Variants in KCNK2 observed in about 807,000 individuals in gnomAD.
The protein encoded by KCNK2 is potassium channel subfamily K member 2.
KCNK2 carries 21 observed loss-of-function variants against 40.5 expected under a neutral mutation model. That is an observed-to-expected ratio of 0.52 (90% CI 0.37 to 0.75). The LOEUF (loss-of-function observed/expected upper bound fraction) is 0.75. KCNK2 is among the 30% of genes least tolerant of loss of function. The probability of loss-of-function intolerance (pLI) is 0.00; values close to 1 mark genes in which losing one functional copy is unlikely to be tolerated. For synonymous variants in KCNK2, 191 were observed against 202.2 expected (o/e 0.94, Z 0.47); for missense variants, 399 against 531.6 (o/e 0.75, Z 2.45).
At chr1:215,073,509 CT>C (rs1658828302) in intron 1 of KCNK2, among the ~76,000 whole-genome samples, 2 of 152,008 alleles carry the variant, frequency 1.3e-5, no homozygotes, top group Non-Finnish European at 2.9e-5. Context: ...ATAAATAGAA[CT>C]TATTTTTCTG....
Position 215,015,513 on chromosome 1 carries a change from T to C in KCNK2, c.34+9558T>C, listed in dbSNP as rs1656556279. Among the ~76,000 whole-genome samples the C allele has an allele frequency of 5.3e-5, 8 of 152,256 alleles. No individual in the cohort carries two copies. In the South Asian group the frequency reaches 1.7e-3, roughly 32 times the overall value. On this transcript the variant is annotated intron_variant, in intron 1 of 6. Coordinates refer to the KCNK2 transcript ENST00000391895. ...TCTTTGGCGGGTAACTCTTTATCCA[T>C]TCATGACCTGAGATGGATAATTAAT...
chr1:215,133,082 A>G (rs1050137462), intron 3 of KCNK2, among the ~76,000 whole-genome samples: 4 of 152,194 alleles, frequency 2.6e-5, no homozygotes, highest in African/African-American at 7.2e-5. Context: ...ATAACAATAT[A>G]TTATAGATCT....
intron 6 of KCNK2, among the ~76,000 whole-genome samples, chr1:215,233,459 C>CACGT (rs887214054): frequency 1.3e-5 from 2 of 151,582 alleles, no homozygotes; most frequent in Non-Finnish European, 2.9e-5. Flanking sequence ...AGTACACACA[C>CACGT]ACACACACAC....
chr1:215,024,918 A>G (rs1450652441), intron 1 of KCNK2, among the ~76,000 whole-genome samples: 2 of 151,162 alleles, frequency 1.3e-5, no homozygotes, highest in Non-Finnish European at 2.9e-5. Flanking sequence ...TGTCTATAAA[A>G]CATATGTTCA....
chr1:215,234,759 A>C, intron 6 of KCNK2, 69 bp from the exon 7 acceptor site: 1 of 1,378,422 alleles, frequency 7.3e-7, no homozygotes, highest in Non-Finnish European at 1.0e-6. Context: ...AAATGAACTG[A>C]AGATAAAGCA....
At chr1:215,117,110 G>A (rs1044366339) in intron 2 of KCNK2, among the ~76,000 whole-genome samples, 3 of 151,862 alleles carry the variant, frequency 2.0e-5, no homozygotes, top group Non-Finnish European at 4.4e-5. Flanking sequence ...TTAGACAGAT[G>A]CCTCTATTTT....
Position 215,236,053 on chromosome 1 carries a change from T to TATCATCTATCTATCTATCTATCTATC in KCNK2, c.*911_*912insATCTATCTATCTATCTATCTATCATC, listed in dbSNP as rs71167820. On this transcript the variant is annotated 3_prime_UTR_variant, in exon 7 of 7. Coordinates refer to ENST00000444842, the MANE Select transcript of KCNK2 (RefSeq NM_001017425.3). ...TAAAGGCAGAAGAAGAAAATCTATC[T>TATCATCTATCTATCTATCTATCTATC]ATCTATCTATCTATCTATCTATCTA... is the stretch of plus-strand genomic sequence containing the variant. 2 of 132,470 alleles carry TATCATCTATCTATCTATCTATCTATC rather than the reference T, an allele frequency of 1.5e-5. No homozygotes were observed. Among genetic ancestry groups the TATCATCTATCTATCTATCTATCTATC allele is most frequent in the African/African-American group, 5.6e-5 (2 of 35,498 alleles). The allele number at this position is 132,470 out of a possible 1,614,324, so 8.2% of individuals were successfully genotyped here.
chr1:215,036,836 A>G (rs1299601065), intron 1 of KCNK2, among the ~76,000 whole-genome samples: 1 of 151,882 alleles, frequency 6.6e-6, no homozygotes, highest in South Asian at 2.1e-4. Context: ...TTGTACTAGT[A>G]TATAGAAATT....
At chr1:215,096,707 C>T (rs989627355) in intron 2 of KCNK2, among the ~76,000 whole-genome samples, 23 of 151,846 alleles carry the variant, frequency 1.5e-4, no homozygotes, top group African/African-American at 4.8e-4. Flanking sequence ...TTTTGATAGG[C>T]AACACAGACA....
intron 5 of KCNK2, among the ~76,000 whole-genome samples, chr1:215,178,591 C>CT (rs1664091903): frequency 6.6e-6 from 1 of 152,092 alleles, no homozygotes; most frequent in Non-Finnish European, 1.5e-5. Context: ...TTATTAAAAG[C>CT]TTTTTCCACA....
At chr1:215,008,684 T>C (rs1656274224) in intron 1 of KCNK2, among the ~76,000 whole-genome samples, 5 of 152,172 alleles carry the variant, frequency 3.3e-5, no homozygotes, top group Non-Finnish European at 2.9e-5. Flanking sequence ...CTTTCTAACT[T>C]TGAGGTCCTA....
chr1:215,028,517 C>A (rs1657074996), intron 1 of KCNK2, among the ~76,000 whole-genome samples: 1 of 152,044 alleles, frequency 6.6e-6, no homozygotes, highest in Non-Finnish European at 1.5e-5. Flanking sequence ...TTCTTAATTT[C>A]CTCTTTCTAC....
chr1:215,200,583 T>C (rs1665042983), intron 6 of KCNK2, among the ~76,000 whole-genome samples: 1 of 152,172 alleles, frequency 6.6e-6, no homozygotes, highest in Non-Finnish European at 1.5e-5. Context: ...GTGGAATGAA[T>C]GATGTTAGCA....
At chr1:215,169,838 G>T (rs1663620521) in intron 4 of KCNK2, among the ~76,000 whole-genome samples, 2 of 151,894 alleles carry the variant, frequency 1.3e-5, no homozygotes, top group South Asian at 4.2e-4. Context: ...TAGAGATGGG[G>T]TTTCACCATG....
intron 3 of KCNK2, among the ~76,000 whole-genome samples, chr1:215,129,708 G>A (rs191853368): frequency 3.9e-5 from 6 of 152,220 alleles, no homozygotes; most frequent in Admixed American, 6.5e-5. Context: ...AAGGGGAGCC[G>A]GAGAAAGAAG....
At chr1:215,021,391 T>C (rs1274661358) in intron 1 of KCNK2, among the ~76,000 whole-genome samples, 4 of 51,696 alleles carry the variant, frequency 7.7e-5, no homozygotes, top group Non-Finnish European at 1.4e-4. Flanking sequence ...CCAGGAGAGG[T>C]TGGCATCTGA....
intron 1 of KCNK2, among the ~76,000 whole-genome samples, chr1:215,014,608 G>T (rs1451916449): frequency 2.0e-5 from 3 of 151,938 alleles, no homozygotes; most frequent in Non-Finnish European, 4.4e-5. Context: ...CAAGTTTAAT[G>T]AACTAGGCTC....
intron 2 of KCNK2, among the ~76,000 whole-genome samples, chr1:215,123,132 A>G (rs1311165418): frequency 6.6e-6 from 1 of 152,162 alleles, no homozygotes; most frequent in Non-Finnish European, 1.5e-5. Context: ...ATTTATACAT[A>G]AATATGTTCA....
chr1:215,192,948 A>G (rs973419478), intron 5 of KCNK2, among the ~76,000 whole-genome samples: 1 of 152,166 alleles, frequency 6.6e-6, no homozygotes, highest in Non-Finnish European at 1.5e-5. Context: ...TTATTTGAAA[A>G]TGTCATTATG....
Sources: gnomAD v4.1 joint callset for allele counts (sites outside exome capture counted in the v4.1 genomes callset) on GRCh38, gnomAD v4.1.1 for gene constraint, MANE v1.5 for transcripts, NCBI Gene and HGNC (gene_info 2026-07-23, HGNC 2026-07-21) for gene names.